Variants in TMEM245 observed in about 807,000 individuals in gnomAD.
The protein encoded by TMEM245 is protein CG-2.
Under a neutral mutation model 101.2 loss-of-function variants are expected in TMEM245, and 69 were observed. That is an observed-to-expected ratio of 0.68 (90% CI 0.56 to 0.83). The LOEUF (loss-of-function observed/expected upper bound fraction) is 0.83. TMEM245 is among the 40% of genes least tolerant of loss of function. The pLI, the probability that TMEM245 is intolerant of heterozygous loss-of-function variation, is 0.00. For synonymous variants in TMEM245, 537 were observed against 449.8 expected (o/e 1.19, Z -2.45); for missense variants, 1,075 against 1,092.8 (o/e 0.98, Z 0.23).
chr9:109,091,433 C>G (rs1339990287), intron 4 of TMEM245, among the ~76,000 whole-genome samples: 1 of 152,112 alleles, frequency 6.6e-6, no homozygotes, highest in African/African-American at 2.4e-5. Context: ...GACAAAGTAG[C>G]TGAGAATTAT....
chr9:109,105,562 C>T (rs1830388216), intron 3 of TMEM245, among the ~76,000 whole-genome samples: 1 of 152,206 alleles, frequency 6.6e-6, no homozygotes, highest in Admixed American at 6.5e-5. Flanking sequence ...CATAGCAGCA[C>T]TATTCACAAT....
intron 3 of TMEM245, among the ~76,000 whole-genome samples, chr9:109,094,628 T>C (rs1443018892): frequency 2.0e-5 from 3 of 152,216 alleles, no homozygotes; most frequent in Non-Finnish European, 4.4e-5. Flanking sequence ...TTGCACTGCT[T>C]CCACCTGTGT....
At chr9:109,041,004 A>G (rs1233179990) in intron 14 of TMEM245, among the ~76,000 whole-genome samples, 2 of 152,202 alleles carry the variant, frequency 1.3e-5, no homozygotes, top group African/African-American at 4.8e-5. Flanking sequence ...TTTATAACTA[A>G]TATTAGCTTT....
intron 3 of TMEM245, among the ~76,000 whole-genome samples, chr9:109,106,305 T>C (rs747710586): frequency 8.2e-5 from 11 of 133,546 alleles, no homozygotes; most frequent in Admixed American, 3.0e-4. Flanking sequence ...ATGGTTAACT[T>C]TAAGTTATAC....
chr9:109,071,614 A>G (rs1395234936), intron 9 of TMEM245, among the ~76,000 whole-genome samples: 1 of 151,952 alleles, frequency 6.6e-6, no homozygotes, highest in Non-Finnish European at 1.5e-5. Flanking sequence ...AAAAAAAAAA[A>G]AAAAATTTTA....
intron 7 of TMEM245, among the ~76,000 whole-genome samples, chr9:109,084,266 T>C (rs1328732915): frequency 6.6e-6 from 1 of 152,116 alleles, no homozygotes; most frequent in Non-Finnish European, 1.5e-5. Flanking sequence ...TGAGATGTAA[T>C]GTAATAAAAT....
At chr9:109,080,458 G>C (rs1424536672) in intron 8 of TMEM245, among the ~76,000 whole-genome samples, 1 of 151,952 alleles carries the variant, frequency 6.6e-6, no homozygotes, top group African/African-American at 2.4e-5. Context: ...AATGAGACAA[G>C]GATGGAAGGT....
chr9:109,092,630 C>T (rs1830037620), intron 4 of TMEM245, among the ~76,000 whole-genome samples: 1 of 152,192 alleles, frequency 6.6e-6, no homozygotes, highest in Non-Finnish European at 1.5e-5. Flanking sequence ...GTTCCTACTA[C>T]ACCAAATTCC....
intron 15 of TMEM245, among the ~76,000 whole-genome samples, chr9:109,036,682 C>T (rs757583191): frequency 3.9e-5 from 6 of 152,244 alleles, no homozygotes; most frequent in East Asian, 1.9e-4. Context: ...AGTTAATATA[C>T]GGTCCTATAA....
intron 1 of TMEM245, among the ~76,000 whole-genome samples, chr9:109,118,100 CATATAGGATT>C (rs1037465336): frequency 1.3e-5 from 2 of 152,220 alleles, no homozygotes; most frequent in African/African-American, 4.8e-5. Flanking sequence ...AGAATATGTT[CATATAGGATT>C]ATATGTACCG....
Position 109,057,865 on chromosome 9 carries a change from T to C in TMEM245, c.1723-543A>G, listed in dbSNP as rs377433775. 1.3e-4 allele frequency among the ~76,000 whole-genome samples: 20 copies of C among 151,810 alleles called. No homozygotes were observed. The South Asian group carries it at 3.5e-3, about 27-fold the overall frequency. ...CTCGCTCCAGTGCTTCCCTCCTAAA[T>C]ACATTTGCAAAGACATCTTATTTCT... On this transcript the variant is annotated intron_variant, in intron 11 of 17. Coordinates refer to ENST00000374586, the MANE Select transcript of TMEM245 (RefSeq NM_032012.4).
At chr9:109,102,028 A>G (rs188426893) in intron 3 of TMEM245, among the ~76,000 whole-genome samples, 2 of 152,244 alleles carry the variant, frequency 1.3e-5, no homozygotes, top group African/African-American at 2.4e-5. Flanking sequence ...CCATTCTGGC[A>G]TAAGAGGTAA....
chr9:109,090,432 T>A lies in TMEM245; in HGVS notation c.1150+490A>T, dbSNP rs188888574. Among the ~76,000 whole-genome samples the A allele has an allele frequency of 2.0e-5, 3 of 151,926 alleles. No homozygotes were observed. In the East Asian group the frequency reaches 5.8e-4, roughly 29 times the overall value. On this transcript the variant is annotated intron_variant, in intron 5 of 17. Coordinates refer to ENST00000374586, the MANE Select transcript of TMEM245 (RefSeq NM_032012.4). ...TAAACACATTTTTTGAGCTTAAAAG[T>A]GAAATACTGGCCGGGCGCGGTGGCT... is the stretch of plus-strand genomic sequence containing the variant.
At chr9:109,099,365 T>C (rs1303964772) in intron 3 of TMEM245, among the ~76,000 whole-genome samples, 1 of 152,210 alleles carries the variant, frequency 6.6e-6, no homozygotes, top group Non-Finnish European at 1.5e-5. Context: ...TCATATCTCA[T>C]GCTATCCCAA....
In TMEM245 at chr9:109,018,107, C is replaced by G. The variant is rs1185111041; in HGVS notation, c.*2353G>C. On this transcript the variant is annotated 3_prime_UTR_variant, in exon 18 of 18. Transcript: ENST00000374586. The stretch of plus-strand genomic sequence containing the variant: ...CCTGATATTTATGCTAATAATTACC[C>G]AGCAAGAAACATTAGCTGTAGTTTT... 6.6e-6 allele frequency: 1 copy of G among 152,148 alleles called. No homozygotes were observed. The highest frequency in any genetic ancestry group is 1.5e-5 in the Non-Finnish European group (1 of 68,020). The allele number at this position is 152,148 out of a possible 1,614,324, so 9.4% of individuals were successfully genotyped here.
At chr9:109,072,703 G>A (rs7855980) in intron 9 of TMEM245, among the ~76,000 whole-genome samples, 20,305 of 152,136 alleles carry the variant, frequency 0.13, 1,594 homozygotes, top group African/African-American at 0.19. Flanking sequence ...ATACAATATG[G>A]GAATATGTCA....
chr9:109,118,717 A>C (rs1372598473), intron 1 of TMEM245, among the ~76,000 whole-genome samples: 1 of 152,216 alleles, frequency 6.6e-6, no homozygotes, highest in Non-Finnish European at 1.5e-5. Flanking sequence ...CGTGGAGAGG[A>C]AGAAGCACAG....
intron 17 of TMEM245, among the ~76,000 whole-genome samples, chr9:109,031,920 T>C (rs1003381230): frequency 2.3e-4 from 35 of 152,280 alleles, no homozygotes; most frequent in Non-Finnish European, 4.4e-4. Context: ...AACTCTATAT[T>C]GGTGTCCCAA....
chr9:109,054,036 A>G (rs529670407), intron 12 of TMEM245, among the ~76,000 whole-genome samples: 1 of 152,208 alleles, frequency 6.6e-6, no homozygotes. Context: ...TTCTAAATAC[A>G]ACAATAATTA....
Sources: gnomAD v4.1 joint callset for allele counts (sites outside exome capture counted in the v4.1 genomes callset) on GRCh38, gnomAD v4.1.1 for gene constraint, MANE v1.5 for transcripts, NCBI Gene and HGNC (gene_info 2026-07-23, HGNC 2026-07-21) for gene names.